Variants in CFAP92 observed in about 807,000 individuals in gnomAD.
CFAP92 encodes the protein cilia and flagella associated protein 92 (putative).
Under a neutral mutation model 106.3 loss-of-function variants are expected in CFAP92, and 86 were observed. That is an observed-to-expected ratio of 0.81 (90% CI 0.68 to 0.97). The LOEUF is 0.97. Ranked by LOEUF, CFAP92 falls within the 50% of genes least tolerant of loss-of-function variation. The pLI is 0.00. For missense variants in CFAP92, 1,204 were observed against 1,283.8 expected (o/e 0.94, Z 0.95); for synonymous variants, 477 against 506.4 (o/e 0.94, Z 0.78).
At chr3:128,930,689 C>A (rs1014617110) in intron 12 of CFAP92, among the ~76,000 whole-genome samples, 1 of 151,888 alleles carries the variant, frequency 6.6e-6, no homozygotes, top group African/African-American at 2.4e-5. Context: ...AGGCAGATAC[C>A]GCAGTGAGCC....
At chr3:128,958,349 A>C (rs1576521632) in intron 9 of CFAP92, among the ~76,000 whole-genome samples, 1 of 152,218 alleles carries the variant, frequency 6.6e-6, no homozygotes, top group Non-Finnish European at 1.5e-5. Context: ...TGATGATAGA[A>C]TATTTCTACA....
At chr3:129,007,501 A>G (rs1160239038), upstream of CFAP92, among the ~76,000 whole-genome samples, 1 of 152,222 alleles carries the variant, frequency 6.6e-6, no homozygotes, top group African/African-American at 2.4e-5. Context: ...GCTTGAAGCC[A>G]TTTGGTTAGA....
chr3:128,924,059 A>T (rs181072266), intron 12 of CFAP92, among the ~76,000 whole-genome samples: 47 of 152,304 alleles, frequency 3.1e-4, no homozygotes, highest in Non-Finnish European at 1.0e-4. Context: ...CGGGAGAGAC[A>T]GCTGCCGTCG....
At chr3:128,992,645 G>A (rs144104273) in intron 2 of CFAP92, among the ~76,000 whole-genome samples, 5,991 of 151,718 alleles carry the variant, frequency 0.039, 300 homozygotes, top group African/African-American at 0.11. Flanking sequence ...CGTGATCTCT[G>A]CTCACCACAA....
At chr3:128,977,650 G>T (rs1943241633) in intron 5 of CFAP92, among the ~76,000 whole-genome samples, 1 of 152,170 alleles carries the variant, frequency 6.6e-6, no homozygotes, top group Admixed American at 6.5e-5. Context: ...CTTGAGGTCA[G>T]GAGTTCAAGA....
intron 9 of CFAP92, among the ~76,000 whole-genome samples, chr3:128,962,277 G>A (rs1237961306): frequency 5.9e-5 from 9 of 152,024 alleles, no homozygotes; most frequent in African/African-American, 1.9e-4. Context: ...TAAGCAATAC[G>A]GAGGCTACCC....
chr3:128,979,808 G>A (rs1410906112), intron 4 of CFAP92, among the ~76,000 whole-genome samples: 3 of 149,250 alleles, frequency 2.0e-5, no homozygotes, highest in Non-Finnish European at 3.0e-5. Context: ...GGGGTGGGGG[G>A]AAGGGGGACG....
At chr3:128,938,390 T>G (rs559740479) in intron 10 of CFAP92, among the ~76,000 whole-genome samples, 1 of 151,798 alleles carries the variant, frequency 6.6e-6, no homozygotes, top group Non-Finnish European at 1.5e-5. Flanking sequence ...ATAAAGGACA[T>G]CTACAAAAAC....
At chr3:129,023,522 C>T in the CFAP92 span, among the ~76,000 whole-genome samples, 1 of 151,988 alleles carries the variant, frequency 6.6e-6, no homozygotes, top group East Asian at 1.9e-4. Context: ...TTAGTAGAGA[C>T]GAGGTTTCAC....
upstream of CFAP92, among the ~76,000 whole-genome samples, chr3:129,004,366 TCACCCCCCC>T (rs1468523830): frequency 3.2e-5 from 2 of 62,554 alleles, no homozygotes; most frequent in Admixed American, 2.1e-4. Flanking sequence ...GTCCATTCAC[TCACCCCCCC>T]CACCCACCCA....
chr3:128,976,190 A>C lies in CFAP92; in HGVS notation c.897-287T>G, dbSNP rs73865522. ...CACTTGGTCTGCATTCAAGATACTA[A>C]CAAACTCAAAAATATGATGGAAAAT... On this transcript the variant is annotated intron_variant, in intron 6 of 15. Coordinates refer to ENST00000645291, the MANE Select transcript of CFAP92 (RefSeq NM_001394090.1). Among the ~76,000 whole-genome samples, 674 of 152,260 alleles carry C rather than the reference A, an allele frequency of 4.4e-3. 5 individuals are homozygous for C. The highest frequency in any genetic ancestry group is 0.016 in the African/African-American group (653 of 41,538).
chr3:128,922,296 T>C (rs1350762961), intron 12 of CFAP92, among the ~76,000 whole-genome samples: 2 of 151,456 alleles, frequency 1.3e-5, no homozygotes, highest in East Asian at 1.9e-4. Context: ...TGAGTCAAGA[T>C]CGTGCCACTG....
chr3:128,975,981 G>A (rs996542468), intron 6 of CFAP92, 78 bp from the exon 7 acceptor site: 26 of 1,420,994 alleles, frequency 1.8e-5, no homozygotes, highest in Non-Finnish European at 2.0e-5. Context: ...TTTACTGATG[G>A]ACTAAATGAG....
At chr3:128,976,013 A>G (rs1943134353) in intron 6 of CFAP92, 110 bp from the exon 7 acceptor site, 1 of 1,065,140 alleles carries the variant, frequency 9.4e-7, no homozygotes, top group Non-Finnish European at 1.3e-6. Flanking sequence ...TAAAAACCTC[A>G]TAGTGCATTC....
chr3:129,022,798 C>T, the CFAP92 span, among the ~76,000 whole-genome samples: 4 of 152,144 alleles, frequency 2.6e-5, no homozygotes, highest in Admixed American at 2.0e-4. Context: ...CCATTTCCCC[C>T]ATGGCTCCCG....
chr3:128,939,874 T>C (rs1257298420), intron 10 of CFAP92, among the ~76,000 whole-genome samples: 1 of 152,226 alleles, frequency 6.6e-6, no homozygotes, highest in Non-Finnish European at 1.5e-5. Context: ...CTAATGCCAC[T>C]GCTGATCTGA....
At chr3:128,948,528 ATT>A (rs554978013) in intron 9 of CFAP92, among the ~76,000 whole-genome samples, 14 of 132,658 alleles carry the variant, frequency 1.1e-4, no homozygotes, top group African/African-American at 2.8e-4. Context: ...CCATCCCGGA[ATT>A]TTTTTTTTTT....
At chr3:129,026,091 T>C in the CFAP92 span, among the ~76,000 whole-genome samples, 5 of 152,252 alleles carry the variant, frequency 3.3e-5, no homozygotes, top group Admixed American at 1.3e-4. Flanking sequence ...TTACCTGTTA[T>C]AGGGTTTTCA....
chr3:128,986,590 A>T (rs1472156872), intron 4 of CFAP92, among the ~76,000 whole-genome samples: 1 of 152,214 alleles, frequency 6.6e-6, no homozygotes, highest in Non-Finnish European at 1.5e-5. Context: ...TAGTTTAGTT[A>T]GTAGCATTTA....
Sources: gnomAD v4.1 joint callset for allele counts (sites outside exome capture counted in the v4.1 genomes callset) on GRCh38, gnomAD v4.1.1 for gene constraint, MANE v1.5 for transcripts, NCBI Gene and HGNC (gene_info 2026-07-23, HGNC 2026-07-21) for gene names.